Variants in PARD3 observed in about 807,000 individuals in gnomAD.
PARD3 encodes the protein par-3 family cell polarity regulator.
In PARD3, 75 loss-of-function variants were observed where a neutral mutation model predicts 155.4. The observed-to-expected ratio is 0.48, with a 90% confidence interval of 0.40 to 0.58. The LOEUF (loss-of-function observed/expected upper bound fraction) is 0.58. Ranked by LOEUF, PARD3 falls within the 20% of genes least tolerant of loss-of-function variation. PARD3 has a pLI of 0.00. For synonymous variants in PARD3, 576 were observed against 610.5 expected (o/e 0.94, Z 0.83); for missense variants, 1,642 against 1,721.7 (o/e 0.95, Z 0.82).
chr10:34,765,718 C>T (rs762120346), intron 1 of PARD3, among the ~76,000 whole-genome samples: 2 of 151,236 alleles, frequency 1.3e-5, no homozygotes, highest in African/African-American at 4.9e-5. Context: ...GTACTAAAAA[C>T]AGGAGCAGTG....
chr10:34,399,648 G>A (rs905292841), intron 6 of PARD3, among the ~76,000 whole-genome samples: 1 of 152,058 alleles, frequency 6.6e-6, no homozygotes, highest in Admixed American at 6.6e-5. Context: ...TGGCATGGAG[G>A]GAGAGCAATC....
chr10:34,517,528 G>A (rs1311637901), intron 2 of PARD3, among the ~76,000 whole-genome samples: 4 of 152,152 alleles, frequency 2.6e-5, no homozygotes, highest in African/African-American at 9.7e-5. Context: ...ATCTGTGTGT[G>A]TGTATACACA....
At chr10:34,619,561 A>G (rs1488112101) in intron 2 of PARD3, among the ~76,000 whole-genome samples, 1 of 152,034 alleles carries the variant, frequency 6.6e-6, no homozygotes, top group Non-Finnish European at 1.5e-5. Flanking sequence ...TTTAATTTTT[A>G]TTTTACCACC....
intron 12 of PARD3, among the ~76,000 whole-genome samples, chr10:34,364,401 TC>T (rs1839761917): frequency 6.6e-6 from 1 of 152,016 alleles, no homozygotes; most frequent in Admixed American, 6.6e-5. Context: ...TTAATTTCTC[TC>T]TCTCAAGATC....
At chr10:34,489,339 A>C (rs1237248738) in intron 3 of PARD3, among the ~76,000 whole-genome samples, 2 of 152,218 alleles carry the variant, frequency 1.3e-5, no homozygotes, top group Non-Finnish European at 2.9e-5. Context: ...ATGTGAACAC[A>C]GACTACGCCA....
chr10:34,654,357 C>T (rs1405213629), intron 2 of PARD3, among the ~76,000 whole-genome samples: 1 of 152,190 alleles, frequency 6.6e-6, no homozygotes, highest in Non-Finnish European at 1.5e-5. Context: ...CATGATTTTA[C>T]AGACGTGCTA....
chr10:34,486,679 G>C (rs1345462567), intron 3 of PARD3, among the ~76,000 whole-genome samples: 1 of 152,126 alleles, frequency 6.6e-6, no homozygotes, highest in Non-Finnish European at 1.5e-5. Context: ...AAACCACCTA[G>C]GAATCTTGTT....
chr10:34,728,182 A>G (rs1288466158), intron 1 of PARD3, among the ~76,000 whole-genome samples: 4 of 152,188 alleles, frequency 2.6e-5, no homozygotes, highest in African/African-American at 9.7e-5. Flanking sequence ...TTAAGAATTT[A>G]CCAAATTTAC....
intron 1 of PARD3, among the ~76,000 whole-genome samples, chr10:34,773,188 TA>T (rs1427706177): frequency 6.6e-6 from 1 of 152,222 alleles, no homozygotes; most frequent in Non-Finnish European, 1.5e-5. Context: ...AATACATCTA[TA>T]AACGCTTGCC....
chr10:34,802,166 AAC>A (rs1417021215), intron 1 of PARD3, among the ~76,000 whole-genome samples: 3 of 152,190 alleles, frequency 2.0e-5, no homozygotes, highest in East Asian at 1.9e-4. Flanking sequence ...CAGCTAGACA[AAC>A]ACAATTCTCC....
chr10:34,195,146 A>G (rs1950882088), intron 22 of PARD3, among the ~76,000 whole-genome samples: 1 of 152,270 alleles, frequency 6.6e-6, no homozygotes, highest in Non-Finnish European at 1.5e-5. Flanking sequence ...GCTGCAAAAT[A>G]AGTTGCAAAA....
At chr10:34,355,736 G>C (rs540616111) in intron 14 of PARD3, among the ~76,000 whole-genome samples, 1 of 152,046 alleles carries the variant, frequency 6.6e-6, no homozygotes, top group African/African-American at 2.4e-5. Flanking sequence ...AGACCAGCCT[G>C]ACCAACATGG....
At chr10:34,732,485 G>A (rs1042176667) in intron 1 of PARD3, among the ~76,000 whole-genome samples, 1 of 152,134 alleles carries the variant, frequency 6.6e-6, no homozygotes, top group Admixed American at 6.5e-5. Context: ...CTTGAGACCA[G>A]GAGTTTGAGA....
At chr10:34,559,489 C>A (rs2085290791) in intron 2 of PARD3, among the ~76,000 whole-genome samples, 1 of 151,532 alleles carries the variant, frequency 6.6e-6, no homozygotes, top group Non-Finnish European at 1.5e-5. Flanking sequence ...AGCCACTAGG[C>A]CTTTCACAGT....
At chr10:34,222,206 G>A (rs926039703) in intron 22 of PARD3, among the ~76,000 whole-genome samples, 6 of 152,312 alleles carry the variant, frequency 3.9e-5, no homozygotes, top group African/African-American at 1.4e-4. Context: ...TACCTTTAAA[G>A]GGATTTTTTC....
chr10:34,754,339 A>G (rs578133867), intron 1 of PARD3, among the ~76,000 whole-genome samples: 1 of 152,310 alleles, frequency 6.6e-6, no homozygotes, highest in African/African-American at 2.4e-5. Context: ...TAATTTATTG[A>G]GAAACATACA....
At chr10:34,399,454 G>A (rs1165702442) in intron 6 of PARD3, 41 bp from the exon 7 acceptor site, 5 of 1,338,392 alleles carry the variant, frequency 3.7e-6, no homozygotes, top group African/African-American at 1.4e-5. Flanking sequence ...AACGTGTACT[G>A]TAAACAAACC....
chr10:34,197,307 T>C (rs2133308238), intron 22 of PARD3, among the ~76,000 whole-genome samples: 1 of 152,326 alleles, frequency 6.6e-6, no homozygotes, highest in Non-Finnish European at 1.5e-5. Flanking sequence ...CTACTCAATC[T>C]GAGGGAACTG....
At chr10:34,347,505 C>T (rs2134364634) in intron 15 of PARD3, among the ~76,000 whole-genome samples, 1 of 152,290 alleles carries the variant, frequency 6.6e-6, no homozygotes, top group East Asian at 1.9e-4. Context: ...AAACCAGATA[C>T]ATGTGAATAT....
Sources: allele counts gnomAD v4.1 joint callset (sites outside exome capture counted in the v4.1 genomes callset), GRCh38; gene constraint gnomAD v4.1.1; transcripts MANE v1.5; gene names NCBI Gene and HGNC (gene_info 2026-07-23, HGNC 2026-07-21).